KCNIP4: variants seen among roughly 807,000 people sequenced by gnomAD.
KCNIP4 encodes potassium voltage-gated channel interacting protein 4, also known as Kv channel-interacting protein 4.
KCNIP4 carries 12 observed loss-of-function variants against 34.0 expected under a neutral mutation model. The ratio of observed to expected loss-of-function variants is 0.35; its 90% CI spans 0.23 to 0.57. KCNIP4 has a LOEUF of 0.57. Among genes scored for constraint, KCNIP4 ranks in the 20% least tolerant of loss-of-function variants. The probability of loss-of-function intolerance (pLI) is 0.83; values close to 1 mark genes in which losing one functional copy is unlikely to be tolerated. For synonymous variants in KCNIP4, 124 were observed against 102.2 expected (o/e 1.21, Z -1.29); for missense variants, 238 against 311.7 (o/e 0.76, Z 1.78).
chr4:21,345,208 T>C (rs908910407), intron 1 of KCNIP4, among the ~76,000 whole-genome samples: 3 of 152,050 alleles, frequency 2.0e-5, no homozygotes, highest in African/African-American at 4.8e-5. Context: ...CTGCCATGCA[T>C]GAGGATACTC....
At chr4:21,556,922 G>GAAAAAAAAAAAAAAAAA (rs1253971751) in intron 1 of KCNIP4, among the ~76,000 whole-genome samples, 8 of 70,842 alleles carry the variant, frequency 1.1e-4, no homozygotes, top group Admixed American at 1.9e-4. Context: ...CTCCATCTCA[G>GAAAAAAAAAAAAAAAAA]AAAAAAAAAA....
intron 1 of KCNIP4, among the ~76,000 whole-genome samples, chr4:21,820,285 G>GTATATATATA (rs869204752): frequency 1.9e-4 from 4 of 20,650 alleles, no homozygotes; most frequent in South Asian, 4.6e-3. Context: ...GTGTGTGTGT[G>GTATATATATA]TATATATATA....
chr4:21,253,545 T>C (rs1164816691), intron 1 of KCNIP4, among the ~76,000 whole-genome samples: 2 of 152,314 alleles, frequency 1.3e-5, no homozygotes, highest in East Asian at 3.9e-4. Context: ...CTCAGCCCTA[T>C]AGAGGAATGT....
At chr4:21,408,988 T>A (rs2109581062) in intron 1 of KCNIP4, among the ~76,000 whole-genome samples, 1 of 152,326 alleles carries the variant, frequency 6.6e-6, no homozygotes, top group African/African-American at 2.4e-5. Context: ...TATTGGGCAC[T>A]TTAAATGTGG....
chr4:21,016,433 C>A (rs774417339), intron 1 of KCNIP4, among the ~76,000 whole-genome samples: 17 of 151,076 alleles, frequency 1.1e-4, no homozygotes, highest in Non-Finnish European at 2.5e-4. Context: ...GTAGCTGGGA[C>A]TACAGGTGCC....
rs144468344 is a variant in KCNIP4 at position 21,083,421 on chromosome 4, A to G, written c.62-200712T>C. Among the ~76,000 whole-genome samples the G allele has an allele frequency of 3.3e-3, 502 of 151,838 alleles. 12 individuals are homozygous for G. Among genetic ancestry groups the G allele is most frequent in the African/African-American group, 0.011 (459 of 41,212 alleles). ...AAAAATGTATTTGCACACCTGATGAAATTAAGGATCTTCAAAGGAGGTTCT... is the reference window on the plus strand; with the variant it reads ...AAAAATGTATTTGCACACCTGATGAGATTAAGGATCTTCAAAGGAGGTTCT... On this transcript the variant is annotated intron_variant, in intron 1 of 8. Transcript: ENST00000382152.
intron 1 of KCNIP4, among the ~76,000 whole-genome samples, chr4:20,938,302 C>A (rs1344142248): frequency 6.6e-6 from 1 of 151,094 alleles, no homozygotes; most frequent in Non-Finnish European, 1.5e-5. Context: ...CTTGTAAACA[C>A]AAGAGCTTTT....
chr4:21,810,157 A>C (rs980452154), intron 1 of KCNIP4, among the ~76,000 whole-genome samples: 2 of 152,240 alleles, frequency 1.3e-5, no homozygotes, highest in African/African-American at 4.8e-5. Context: ...TGAGCCTGTT[A>C]GGAAAGGAGG....
chr4:21,337,976 C>G (rs1189217770), intron 1 of KCNIP4, among the ~76,000 whole-genome samples: 3 of 152,128 alleles, frequency 2.0e-5, no homozygotes, highest in African/African-American at 7.2e-5. Flanking sequence ...AAGACCGGCT[C>G]TATGGTATCG....
chr4:20,972,745 C>T (rs572203575), intron 1 of KCNIP4, among the ~76,000 whole-genome samples: 2 of 152,080 alleles, frequency 1.3e-5, no homozygotes, highest in East Asian at 1.9e-4. Flanking sequence ...AAAGGGGACC[C>T]GAGCAAGTTG....
chr4:20,809,946 T>C (rs1203381298), intron 3 of KCNIP4, among the ~76,000 whole-genome samples: 1 of 152,208 alleles, frequency 6.6e-6, no homozygotes, highest in Non-Finnish European at 1.5e-5. Context: ...ACAAGCATGC[T>C]GTTTAGGGCA....
chr4:20,897,579 T>C (rs1726694392), intron 1 of KCNIP4, among the ~76,000 whole-genome samples: 1 of 151,074 alleles, frequency 6.6e-6, no homozygotes, highest in African/African-American at 2.4e-5. Context: ...TTGGAGATAA[T>C]GTTTTTAAAG....
intron 1 of KCNIP4, among the ~76,000 whole-genome samples, chr4:21,614,568 T>C (rs965852209): frequency 1.2e-4 from 18 of 148,108 alleles, no homozygotes; most frequent in Admixed American, 1.0e-3. Flanking sequence ...CAAATATACA[T>C]TATATATAAA....
At chr4:21,435,337 C>G (rs1020624620) in intron 1 of KCNIP4, among the ~76,000 whole-genome samples, 3 of 152,176 alleles carry the variant, frequency 2.0e-5, no homozygotes, top group Admixed American at 6.5e-5. Context: ...AGATGCTATT[C>G]TAGTCAGTGG....
intron 1 of KCNIP4, among the ~76,000 whole-genome samples, chr4:21,668,530 G>A (rs1226187675): frequency 6.6e-6 from 1 of 152,038 alleles, no homozygotes; most frequent in African/African-American, 2.4e-5. Flanking sequence ...GAATTGACAT[G>A]TATCAAGATT....
chr4:20,740,210 A>G (rs570166782), intron 5 of KCNIP4, among the ~76,000 whole-genome samples: 1 of 152,286 alleles, frequency 6.6e-6, no homozygotes, highest in East Asian at 1.9e-4. Context: ...TCAGGCCAAC[A>G]TTCAAATTCA....
intron 1 of KCNIP4, among the ~76,000 whole-genome samples, chr4:21,416,184 T>C (rs181259383): frequency 1.2e-4 from 18 of 152,348 alleles, no homozygotes; most frequent in African/African-American, 4.1e-4. Flanking sequence ...CCAATGTATT[T>C]AATTCCTATA....
chr4:21,491,757 T>A (rs1438023237), intron 1 of KCNIP4, among the ~76,000 whole-genome samples: 1 of 152,200 alleles, frequency 6.6e-6, no homozygotes, highest in East Asian at 1.9e-4. Flanking sequence ...TTTGTTTGTT[T>A]TATCAGTGTT....
chr4:20,970,629 T>C lies in KCNIP4; in HGVS notation c.62-87920A>G, dbSNP rs189395002. Reference sequence around the variant, plus strand: ...TTTAATTGGTAGAGACCAGGGATGCTGTCAATCAACCTATAGTGCCGAAGA... The same window carrying C: ...TTTAATTGGTAGAGACCAGGGATGCCGTCAATCAACCTATAGTGCCGAAGA... On this transcript the variant is annotated intron_variant, in intron 1 of 8. Coordinates refer to ENST00000382152, the MANE Select transcript of KCNIP4 (RefSeq NM_025221.6). Among the ~76,000 whole-genome samples, 583 of 152,296 alleles carry C rather than the reference T, an allele frequency of 3.8e-3. 4 individuals are homozygous for C. The highest frequency in any genetic ancestry group is 0.013 in the African/African-American group (546 of 41,552).
Sources: allele counts gnomAD v4.1 joint callset (sites outside exome capture counted in the v4.1 genomes callset), GRCh38; gene constraint gnomAD v4.1.1; transcripts MANE v1.5; gene names NCBI Gene and HGNC (gene_info 2026-07-23, HGNC 2026-07-21).